Variants in CHN2 observed in about 807,000 individuals in gnomAD.
The protein encoded by CHN2 is chimerin 2.
CHN2 carries 35 observed loss-of-function variants against 56.3 expected under a neutral mutation model. The ratio of observed to expected loss-of-function variants is 0.62; its 90% CI spans 0.47 to 0.82. The LOEUF (loss-of-function observed/expected upper bound fraction) is 0.82. Ranked by LOEUF, CHN2 falls within the 40% of genes least tolerant of loss-of-function variation. The pLI is 0.00. For missense variants in CHN2, 491 were observed against 580.5 expected (o/e 0.85, Z 1.58); for synonymous variants, 210 against 212.8 (o/e 0.99, Z 0.12).
intron 9 of CHN2, among the ~76,000 whole-genome samples, chr7:29,501,254 C>T (rs1259638868): frequency 6.6e-6 from 1 of 152,132 alleles, no homozygotes; most frequent in East Asian, 1.9e-4. Context: ...TAATTTAATC[C>T]CAGAGTGTAA....
chr7:29,333,250 G>A (rs991038156), intron 1 of CHN2, among the ~76,000 whole-genome samples: 1 of 152,136 alleles, frequency 6.6e-6, no homozygotes, highest in Non-Finnish European at 1.5e-5. Context: ...ATCCTCCACG[G>A]CTGTCCCACA....
chr7:29,414,983 A>T (rs1455217818), intron 6 of CHN2, among the ~76,000 whole-genome samples: 2 of 152,204 alleles, frequency 1.3e-5, no homozygotes, highest in African/African-American at 2.4e-5. Flanking sequence ...TCTGTAGCTT[A>T]GATACAGTTC....
chr7:29,368,598 C>T (rs1354862455), intron 3 of CHN2, among the ~76,000 whole-genome samples: 1 of 152,114 alleles, frequency 6.6e-6, no homozygotes, highest in East Asian at 1.9e-4. Flanking sequence ...AAATCAAAGG[C>T]CCATGGGTCC....
At chr7:29,428,353 T>A (rs1323818798) in intron 6 of CHN2, among the ~76,000 whole-genome samples, 1 of 152,228 alleles carries the variant, frequency 6.6e-6, no homozygotes, top group Non-Finnish European at 1.5e-5. Context: ...ATTTCCCACT[T>A]GCATCATGGT....
chr7:29,433,312 G>C (rs1782981655), intron 6 of CHN2, among the ~76,000 whole-genome samples: 1 of 152,196 alleles, frequency 6.6e-6, no homozygotes, highest in African/African-American at 2.4e-5. Context: ...TGAGTGAAAT[G>C]GGATTTGAAA....
intron 2 of CHN2, among the ~76,000 whole-genome samples, chr7:29,180,953 C>T (rs1218019139): frequency 6.6e-6 from 1 of 152,152 alleles, no homozygotes; most frequent in African/African-American, 2.4e-5. Context: ...CACTGGTACC[C>T]AGTACTTACT....
intron 1 of CHN2, among the ~76,000 whole-genome samples, chr7:29,330,578 T>A (rs1796139098): frequency 6.6e-6 from 1 of 151,022 alleles, no homozygotes; most frequent in Non-Finnish European, 1.5e-5. Context: ...TCTTGGATGT[T>A]GTGTATAAGT....
At chr7:29,467,865 G>A (rs190539217) in intron 6 of CHN2, among the ~76,000 whole-genome samples, 128 of 152,288 alleles carry the variant, frequency 8.4e-4, no homozygotes, top group African/African-American at 3.0e-3. Flanking sequence ...CACAACGTGA[G>A]CTCAATAATT....
chr7:29,273,373 A>ATGTG (rs1327991142), intron 1 of CHN2, among the ~76,000 whole-genome samples: 15 of 49,010 alleles, frequency 3.1e-4, no homozygotes, highest in South Asian at 7.3e-4. Flanking sequence ...ATATATATAT[A>ATGTG]TATATATATA....
chr7:29,195,405 A>G (rs770947197), intron 1 of CHN2: 96 of 198,356 alleles, frequency 4.8e-4, no homozygotes, highest in Middle Eastern at 1.9e-3. Flanking sequence ...AATCCGGAGC[A>G]GAGGGGAGCA....
chr7:29,204,173 T>G (rs898565262), intron 1 of CHN2, among the ~76,000 whole-genome samples: 3 of 151,902 alleles, frequency 2.0e-5, no homozygotes, highest in Non-Finnish European at 2.9e-5. Context: ...GATAAGTATG[T>G]GGGTTTACAT....
At chr7:29,330,074 T>G (rs777915531) in intron 1 of CHN2, among the ~76,000 whole-genome samples, 1 of 152,256 alleles carries the variant, frequency 6.6e-6, no homozygotes, top group Non-Finnish European at 1.5e-5. Flanking sequence ...TCAAAGTACC[T>G]ACGTCAACAG....
At chr7:29,472,313 T>TCACACGCACACAC (rs1459480414) in intron 6 of CHN2, among the ~76,000 whole-genome samples, 1 of 77,780 alleles carries the variant, frequency 1.3e-5, no homozygotes, top group African/African-American at 3.3e-5. Context: ...ACACACACAT[T>TCACACGCACACAC]AGACACAGAA....
At chr7:29,306,303 C>G (rs1420749039) in intron 1 of CHN2, among the ~76,000 whole-genome samples, 1 of 152,048 alleles carries the variant, frequency 6.6e-6, no homozygotes, top group South Asian at 2.1e-4. Flanking sequence ...AAACTGCAGT[C>G]AAGGTAAGCA....
chr7:29,308,528 C>T (rs1381913847), intron 1 of CHN2, among the ~76,000 whole-genome samples: 3 of 152,140 alleles, frequency 2.0e-5, no homozygotes, highest in Admixed American at 2.0e-4. Context: ...AGCCACCAAC[C>T]ATTCCAGCTT....
intron 2 of CHN2, 149 bp from the exon 3 acceptor site, chr7:29,367,783 A>C: frequency 5.9e-6 from 3 of 511,332 alleles, no homozygotes; most frequent in Non-Finnish European, 9.4e-6. Context: ...GACTTTTTCC[A>C]GTCTAAAAAA....
intron 1 of CHN2, among the ~76,000 whole-genome samples, chr7:29,203,364 G>A (rs1784293571): frequency 6.6e-6 from 1 of 151,260 alleles, no homozygotes; most frequent in South Asian, 2.1e-4. Flanking sequence ...CTATTCAGGA[G>A]GCTGAGGCAC....
rs1018950134 is a variant in CHN2, at chr7:29,445,046, A to T, written c.577-35233A>T. On this transcript the variant is annotated intron_variant, in intron 6 of 12. Coordinates refer to ENST00000222792, the MANE Select transcript of CHN2 (RefSeq NM_004067.4). ...GAGATAGAGACAGAGGCTACGCAAA[A>T]TTCTCTCCCATTTTAGTCTGTTGGT... 22 of 444,702 alleles carry T rather than the reference A, an allele frequency of 4.9e-5. No homozygotes were observed. In the East Asian group the frequency reaches 1.4e-3, roughly 28 times the overall value. The allele number at this position is 444,702 out of a possible 1,614,324, so 27.5% of individuals were successfully genotyped here. A position where few individuals can be genotyped will look rare whatever the true frequency, so the allele number is the denominator to read the frequency against.
rs1791646564 is a variant in CHN2, at chr7:29,512,773, CCAAG to C, written c.*39_*42del. ...ATGAGCTGAATGGCCCCAGCACCATCCAAGTTGACACAGCTAAAGGAATAAAAAC... is the reference window on the plus strand; with the variant it reads ...ATGAGCTGAATGGCCCCAGCACCATCTTGACACAGCTAAAGGAATAAAAAC... On this transcript the variant is annotated 3_prime_UTR_variant, in exon 13 of 13. Transcript: ENST00000222792. The C allele has an allele frequency of 6.3e-7, 1 of 1,583,084 alleles. No individual in the cohort carries two copies. The highest frequency in any genetic ancestry group is 8.6e-7 in the Non-Finnish European group (1 of 1,163,998).
Sources: gnomAD v4.1 joint callset for allele counts (sites outside exome capture counted in the v4.1 genomes callset) on GRCh38, gnomAD v4.1.1 for gene constraint, MANE v1.5 for transcripts, NCBI Gene and HGNC (gene_info 2026-07-23, HGNC 2026-07-21) for gene names.